TANK: variants seen among roughly 807,000 people sequenced by gnomAD.
The protein encoded by TANK is TRAF family member associated NFKB activator.
Under a neutral mutation model 43.6 loss-of-function variants are expected in TANK, and 15 were observed. The observed-to-expected ratio is 0.34, with a 90% CI of 0.23 to 0.53. TANK has a LOEUF of 0.53. TANK is among the 20% of genes least tolerant of loss of function. The probability of loss-of-function intolerance (pLI) is 0.94; values close to 1 mark genes in which losing one functional copy is unlikely to be tolerated. For missense variants in TANK, 417 were observed against 498.6 expected (o/e 0.84, Z 1.56); for synonymous variants, 162 against 178.2 (o/e 0.91, Z 0.73).
chr2:161,159,842 G>A, upstream of TANK, among the ~76,000 whole-genome samples: 1 of 152,216 alleles, frequency 6.6e-6, no homozygotes, highest in Non-Finnish European at 1.5e-5. Flanking sequence ...TCCATTTCCA[G>A]CCATTCCTCT....
At chr2:161,234,112 A>T (rs995539593) in intron 7 of TANK, among the ~76,000 whole-genome samples, 1 of 152,186 alleles carries the variant, frequency 6.6e-6, no homozygotes, top group African/African-American at 2.4e-5. Flanking sequence ...GACGTTGTAT[A>T]TTTACACCAA....
At chr2:161,209,997 A>G (rs962805668) in intron 4 of TANK, among the ~76,000 whole-genome samples, 16 of 152,222 alleles carry the variant, frequency 1.1e-4, no homozygotes, top group Admixed American at 3.3e-4. Flanking sequence ...TTCTTTAAAC[A>G]TGTCTTTATT....
chr2:161,141,957 A>C (rs1391086665), intron 1 of TANK, among the ~76,000 whole-genome samples: 1 of 152,160 alleles, frequency 6.6e-6, no homozygotes, highest in Non-Finnish European at 1.5e-5. Flanking sequence ...ACAGTGTAAA[A>C]GCATTCCTAT....
chr2:161,182,057 G>A (rs1046287242), intron 2 of TANK, among the ~76,000 whole-genome samples: 17 of 151,800 alleles, frequency 1.1e-4, no homozygotes, highest in African/African-American at 2.7e-4. Context: ...ACAGGAGAAC[G>A]TCACAGAATT....
At chr2:161,137,329 G>C (rs1226072265) in intron 1 of TANK, 2 of 710,316 alleles carry the variant, frequency 2.8e-6, no homozygotes, top group African/African-American at 3.9e-5. Context: ...TTTGAGGCCA[G>C]CCTGGGCAAC....
chr2:161,160,860 C>T (rs780946520), intron 1 of TANK: 9 of 508,004 alleles, frequency 1.8e-5, no homozygotes, highest in Non-Finnish European at 3.5e-5. Context: ...CCCGACTTCC[C>T]TTCGGGAGAG....
At chr2:161,175,653 C>A (rs370579545) in intron 1 of TANK, among the ~76,000 whole-genome samples, 3 of 151,976 alleles carry the variant, frequency 2.0e-5, no homozygotes, top group Non-Finnish European at 2.9e-5. Context: ...TCTCTTACTC[C>A]AGGACAGTTT....
intron 1 of TANK, among the ~76,000 whole-genome samples, chr2:161,167,608 TTTTG>T (rs745995213): frequency 3.9e-4 from 60 of 151,956 alleles, no homozygotes; most frequent in African/African-American, 9.9e-4. Context: ...GCAACCAGGT[TTTTG>T]TTTGTTTGTT....
intron 1 of TANK, among the ~76,000 whole-genome samples, chr2:161,145,414 T>C (rs189486820): frequency 4.6e-5 from 7 of 151,982 alleles, no homozygotes; most frequent in East Asian, 3.9e-4. Flanking sequence ...AGTTTTTTCA[T>C]AGTGTCATTG....
intron 4 of TANK, among the ~76,000 whole-genome samples, chr2:161,216,971 T>C (rs958324681): frequency 5.3e-5 from 8 of 152,230 alleles, no homozygotes; most frequent in African/African-American, 1.9e-4. Context: ...TCTTACTTTA[T>C]AGACGGAATG....
At chr2:161,146,122 G>A (rs532744999) in intron 1 of TANK, among the ~76,000 whole-genome samples, 7 of 152,228 alleles carry the variant, frequency 4.6e-5, no homozygotes, top group Admixed American at 2.0e-4. Flanking sequence ...TTCGGCTATT[G>A]ATACTTGTGT....
At chr2:161,225,177 A>C (rs1443308281) in intron 6 of TANK, among the ~76,000 whole-genome samples, 1 of 152,140 alleles carries the variant, frequency 6.6e-6, no homozygotes, top group African/African-American at 2.4e-5. Context: ...TTGTTTGTAA[A>C]TTCTGCCTGA....
At chr2:161,146,294 A>AT (rs1319134393) in intron 1 of TANK, among the ~76,000 whole-genome samples, 2 of 151,964 alleles carry the variant, frequency 1.3e-5, no homozygotes, top group Non-Finnish European at 1.5e-5. Context: ...AGTGGAGTTT[A>AT]TTACCCACCT....
intron 4 of TANK, among the ~76,000 whole-genome samples, chr2:161,214,587 C>G (rs532597463): frequency 5.3e-5 from 8 of 151,306 alleles, no homozygotes; most frequent in African/African-American, 1.7e-4. Context: ...TAGTCATACT[C>G]GGGCACCAGC....
chr2:161,192,813 A>G (rs1685978099), intron 2 of TANK, among the ~76,000 whole-genome samples: 1 of 152,228 alleles, frequency 6.6e-6, no homozygotes, highest in Non-Finnish European at 1.5e-5. Context: ...CAAATGAAGA[A>G]ACCTAGACTC....
intron 4 of TANK, among the ~76,000 whole-genome samples, chr2:161,220,842 G>A (rs115745751): frequency 0.014 from 2,091 of 151,992 alleles, 52 homozygotes; most frequent in African/African-American, 0.048. Flanking sequence ...TCCTAGAATG[G>A]GAAACAAAAA....
intron 4 of TANK, chr2:161,211,884 TC>T: frequency 7.1e-6 from 7 of 985,224 alleles, no homozygotes; most frequent in Non-Finnish European, 8.4e-6. Context: ...TGGTTTTCTT[TC>T]TAGAAACTGC....
chr2:161,183,848 C>T (rs1685537576), intron 2 of TANK, among the ~76,000 whole-genome samples: 1 of 151,610 alleles, frequency 6.6e-6, no homozygotes, highest in African/African-American at 2.4e-5. Context: ...CATTAAGGAA[C>T]TTTAAAAAGT....
chr2:161,230,883 A>G (rs1297088590), intron 6 of TANK, 88 bp from the exon 7 acceptor site: 10 of 1,038,698 alleles, frequency 9.6e-6, no homozygotes, highest in Non-Finnish European at 1.4e-5. Flanking sequence ...AATAGAAAAA[A>G]TAATAATAAT....
Sources: allele counts gnomAD v4.1 joint callset (sites outside exome capture counted in the v4.1 genomes callset), GRCh38; gene constraint gnomAD v4.1.1; transcripts MANE v1.5; gene names NCBI Gene and HGNC (gene_info 2026-07-23, HGNC 2026-07-21).